The following SNAP91 variants were observed in gnomAD, a reference collection of about 807,000 sequenced individuals.
The protein encoded by SNAP91 is clathrin coat assembly protein AP180.
SNAP91 carries 27 observed loss-of-function variants against 100.3 expected under a neutral mutation model. That is an observed-to-expected ratio of 0.27 (90% CI 0.20 to 0.37). SNAP91 has a LOEUF of 0.37. Ranked by LOEUF, SNAP91 falls within the 10% of genes least tolerant of loss-of-function variation. The pLI is 1.00. For missense variants in SNAP91, 986 were observed against 1,123.7 expected (o/e 0.88, Z 1.75); for synonymous variants, 404 against 398.6 (o/e 1.01, Z -0.16).
chr6:83,652,922 T>C (rs1466473316), intron 7 of SNAP91, among the ~76,000 whole-genome samples: 1 of 152,206 alleles, frequency 6.6e-6, no homozygotes, highest in Non-Finnish European at 1.5e-5. Context: ...CATTCACTTC[T>C]TGTTTGCATG....
At chr6:83,707,536 C>CGT (rs70987765) in intron 2 of SNAP91, among the ~76,000 whole-genome samples, 14,146 of 148,986 alleles carry the variant, frequency 0.095, 932 homozygotes, top group African/African-American at 0.19. Context: ...TATACATATG[C>CGT]GTGTGTGTGT....
chr6:83,651,147 T>A (rs760483246), intron 7 of SNAP91, among the ~76,000 whole-genome samples: 2 of 152,166 alleles, frequency 1.3e-5, no homozygotes, highest in Non-Finnish European at 2.9e-5. Context: ...CCTCTTTTTT[T>A]TCTTTGTCTG....
chr6:83,594,687 A>G (rs1543867), intron 16 of SNAP91, among the ~76,000 whole-genome samples: 117,563 of 151,976 alleles, frequency 0.77, 45,913 homozygotes, highest in East Asian at 0.88. Flanking sequence ...AAGTGATACA[A>G]TGTTGATACT....
intron 2 of SNAP91, among the ~76,000 whole-genome samples, chr6:83,703,745 T>C (rs1225828226): frequency 6.6e-6 from 1 of 152,216 alleles, no homozygotes; most frequent in African/African-American, 2.4e-5. Context: ...TTGCTTTTCA[T>C]GTGGGATAAG....
At chr6:83,671,838 T>C (rs2098791688) in intron 2 of SNAP91, among the ~76,000 whole-genome samples, 1 of 152,080 alleles carries the variant, frequency 6.6e-6, no homozygotes, top group Non-Finnish European at 1.5e-5. Context: ...ATCACTTAAA[T>C]CCTAGGAAAA....
At position 83,697,324 on chromosome 6, in the gene SNAP91, GCACACACACA is replaced by G. The variant is rs57251608; in HGVS notation, c.130+10464_130+10473del. Among the ~76,000 whole-genome samples the G allele has an allele frequency of 8.7e-3, 1,203 of 138,148 alleles. 14 individuals carry two copies. The highest frequency in any genetic ancestry group is 0.029 in the African/African-American group (1,096 of 37,422). 90.6% of individuals were successfully genotyped at this position (138,148 alleles called of 152,430 possible). On this transcript the variant is annotated intron_variant, in intron 2 of 29. Transcript: ENST00000369694. ...GTATCCAACTCTAAAGAAAATAGCT[GCACACACACA>G]CACACACACACACACACACACACAC... is the stretch of plus-strand genomic sequence containing the variant.
In SNAP91 at chr6:83,701,460, T is replaced by C. The variant is rs557737551; in HGVS notation, c.130+6338A>G. ...ACATCAAAAATTCTTTTTTTTTTTT[T>C]TTGAGACAAAGTCTCACTCTTGTCC... On this transcript the variant is annotated intron_variant, in intron 2 of 29. Transcript: ENST00000369694. Among the ~76,000 whole-genome samples the C allele has an allele frequency of 2.0e-5, 3 of 152,082 alleles. No homozygotes were observed. The South Asian group carries it at 6.2e-4, about 32-fold the overall frequency.
chr6:83,605,582 C>T, intron 14 of SNAP91, 103 bp downstream of exon 14: 8 of 1,437,202 alleles, frequency 5.6e-6, no homozygotes, highest in East Asian at 2.5e-5. Context: ...GTTTCTAATA[C>T]CATTTTAGAT....
intron 2 of SNAP91, among the ~76,000 whole-genome samples, chr6:83,690,760 C>T (rs575627375): frequency 6.6e-6 from 1 of 152,098 alleles, no homozygotes; most frequent in Admixed American, 6.5e-5. Flanking sequence ...ATTAGATTAG[C>T]TCCTATACTA....
At chr6:83,602,443 A>T (rs1378530007) in intron 14 of SNAP91, among the ~76,000 whole-genome samples, 1 of 152,194 alleles carries the variant, frequency 6.6e-6, no homozygotes, top group Non-Finnish European at 1.5e-5. Context: ...TTTACAGTTT[A>T]TAATTTACTG....
intron 26 of SNAP91, among the ~76,000 whole-genome samples, chr6:83,568,865 C>T (rs909806026): frequency 6.6e-6 from 1 of 152,194 alleles, no homozygotes; most frequent in Non-Finnish European, 1.5e-5. Context: ...CACTGCTTTG[C>T]TGCTTCTGAA....
At chr6:83,674,052 T>C (rs2098825726) in intron 2 of SNAP91, among the ~76,000 whole-genome samples, 1 of 152,186 alleles carries the variant, frequency 6.6e-6, no homozygotes, top group Admixed American at 6.5e-5. Context: ...GTCTGAATCA[T>C]GTTTTTTGTT....
intron 21 of SNAP91, among the ~76,000 whole-genome samples, chr6:83,591,977 AG>A (rs1203328554): frequency 6.6e-6 from 1 of 152,234 alleles, no homozygotes; most frequent in Non-Finnish European, 1.5e-5. Context: ...ACTCTTTGTA[AG>A]GATAGCAAAA....
chr6:83,665,142 T>C (rs1234644461), intron 3 of SNAP91, among the ~76,000 whole-genome samples: 1 of 152,052 alleles, frequency 6.6e-6, no homozygotes, highest in Non-Finnish European at 1.5e-5. Flanking sequence ...ACCAAAACAT[T>C]TGTGTGACTC....
chr6:83,682,951 C>A (rs747280265), intron 2 of SNAP91, among the ~76,000 whole-genome samples: 5 of 152,078 alleles, frequency 3.3e-5, no homozygotes, highest in Admixed American at 2.6e-4. Context: ...TTATAACCAG[C>A]TAGCCTCTGG....
chr6:83,633,813 C>T (rs886411392), intron 8 of SNAP91, among the ~76,000 whole-genome samples: 3 of 152,100 alleles, frequency 2.0e-5, no homozygotes, highest in African/African-American at 4.8e-5. Context: ...CTCCCAGCTG[C>T]GAAGGCAAAT....
At chr6:83,615,931 G>T (rs1054696152) in intron 10 of SNAP91, among the ~76,000 whole-genome samples, 1 of 152,056 alleles carries the variant, frequency 6.6e-6, no homozygotes, top group African/African-American at 2.4e-5. Context: ...TCATTTTACG[G>T]GTTGTCTCTA....
At chr6:83,616,877 G>C in intron 10 of SNAP91, 92 bp downstream of exon 10, 1 of 839,972 alleles carries the variant, frequency 1.2e-6, no homozygotes, top group Non-Finnish European at 1.8e-6. Flanking sequence ...CCTAAAACTA[G>C]AGCAATATAA....
intron 7 of SNAP91, 93 bp downstream of exon 7, chr6:83,656,661 C>T (rs960847958): frequency 6.8e-6 from 3 of 440,958 alleles, no homozygotes; most frequent in Admixed American, 6.0e-5. Context: ...CACAATATTG[C>T]CCACCAAGTG....
Sources: allele counts gnomAD v4.1 joint callset (sites outside exome capture counted in the v4.1 genomes callset), GRCh38; gene constraint gnomAD v4.1.1; transcripts MANE v1.5; gene names NCBI Gene and HGNC (gene_info 2026-07-23, HGNC 2026-07-21).